The following ZNF160 variants were observed in gnomAD, a reference collection of about 807,000 sequenced individuals.
ZNF160 encodes KRAB zinc finger protein KR18.
ZNF160 carries 9 observed loss-of-function variants against 13.1 expected under a neutral mutation model. That is an observed-to-expected ratio of 0.69 (90% confidence interval 0.41 to 1.20). ZNF160 has a LOEUF of 1.20. Among genes scored for constraint, ZNF160 ranks in the 50% most tolerant of loss-of-function variants. The pLI, the probability that ZNF160 is intolerant of heterozygous loss-of-function variation, is 0.01. For synonymous variants in ZNF160, 293 were observed against 333.2 expected (o/e 0.88, Z 1.31); for missense variants, 838 against 988.0 (o/e 0.85, Z 2.04).
At position 53,100,621 on chromosome 19, in the gene ZNF160, T is replaced by G. The variant is rs142658429; in HGVS notation, c.-354+2644A>C. 1.7e-4 allele frequency among the ~76,000 whole-genome samples: 25 copies of G among 151,016 alleles called. No individual in the cohort carries two copies. The South Asian group carries it at 5.0e-3, about 30-fold the overall frequency. On this transcript the variant is annotated intron_variant, in intron 1 of 5. Transcript: ENST00000683776. ...CGAGACTCCGTCTCCAAAAAAAAAT[T>G]AGTTAATAGGTTCTTATGTTAACGT...
At chr19:53,073,135 G>T in intron 5 of ZNF160, 6 of 1,316,518 alleles carry the variant, frequency 4.6e-6, no homozygotes, top group Non-Finnish European at 5.9e-6. Context: ...ATTCCCTCCA[G>T]TCCCCAACCT....
intron 4 of ZNF160, among the ~76,000 whole-genome samples, chr19:53,074,666 C>T (rs2145568343): frequency 1.2e-5 from 1 of 84,176 alleles, no homozygotes; most frequent in Admixed American, 1.4e-4. Context: ...CGAGACTCCG[C>T]CTCAAAAAAA....
At chr19:53,086,801 G>A (rs148075976) in intron 2 of ZNF160, among the ~76,000 whole-genome samples, 241 of 152,306 alleles carry the variant, frequency 1.6e-3, no homozygotes, top group African/African-American at 5.7e-3. Context: ...ACGTCAAGGG[G>A]GCACAAGAGA....
At chr19:53,097,904 G>T (rs1261592963) in intron 1 of ZNF160, among the ~76,000 whole-genome samples, 3 of 152,168 alleles carry the variant, frequency 2.0e-5, no homozygotes, top group Admixed American at 2.0e-4. Flanking sequence ...CACACCCTCA[G>T]GCCAAGGCGC....
At chr19:53,088,819 G>A (rs188218374) in intron 2 of ZNF160, among the ~76,000 whole-genome samples, 343 of 152,246 alleles carry the variant, frequency 2.3e-3, no homozygotes, top group Non-Finnish European at 3.6e-3. Context: ...CAGGTAGGGA[G>A]TCCTGCTGTT....
chr19:53,072,808 A>G (rs981980594), intron 5 of ZNF160: 4 of 348,344 alleles, frequency 1.1e-5, no homozygotes, highest in Middle Eastern at 1.4e-3. Flanking sequence ...CCGAGATCGC[A>G]CCATTGCACT....
chr19:53,088,778 C>A (rs868346519), intron 2 of ZNF160, among the ~76,000 whole-genome samples: 3 of 152,078 alleles, frequency 2.0e-5, no homozygotes, highest in Admixed American at 2.0e-4. Flanking sequence ...GTGTCATTGT[C>A]CCCACAATGA....
At chr19:53,100,597 G>A (rs972180392) in intron 1 of ZNF160, among the ~76,000 whole-genome samples, 9 of 151,484 alleles carry the variant, frequency 5.9e-5, no homozygotes, top group East Asian at 2.0e-4. Flanking sequence ...GCGACAGAGC[G>A]AGACTCCGTC....
intron 3 of ZNF160, chr19:53,075,630 T>C (rs1383885537): frequency 1.6e-5 from 7 of 437,020 alleles, no homozygotes; most frequent in Non-Finnish European, 2.7e-5. Flanking sequence ...AAAGACAGAA[T>C]ACATGAGAGA....
At chr19:53,084,372 C>T (rs2084751328) in intron 3 of ZNF160, among the ~76,000 whole-genome samples, 1 of 152,188 alleles carries the variant, frequency 6.6e-6, no homozygotes, top group South Asian at 2.1e-4. Flanking sequence ...TGTACTTCTT[C>T]CCCTAAGCTA....
At chr19:53,098,773 G>A (rs2146042368) in intron 1 of ZNF160, among the ~76,000 whole-genome samples, 1 of 151,460 alleles carries the variant, frequency 6.6e-6, no homozygotes, top group South Asian at 2.1e-4. Context: ...TGCCCAGGAT[G>A]GCCACCGGGC....
At chr19:53,077,504 T>C (rs2084438894) in intron 3 of ZNF160, 1 of 151,606 alleles carries the variant, frequency 6.6e-6, no homozygotes, top group Admixed American at 6.6e-5. Context: ...ATCCCGTTTC[T>C]ACAAAAAATA....
In ZNF160 at chr19:53,074,281, A is replaced by C. The variant is rs750439593; in HGVS notation, c.143-13T>G. On this transcript the variant is annotated splice_polypyrimidine_tract_variant and intron_variant, in intron 4 of 5. Coordinates refer to ENST00000683776, the MANE Select transcript of ZNF160 (RefSeq NM_001322131.2). ...AAATGACACAGTCCTGTTTATAAAA[A>C]GAAAGGATCACAATGTGCCGGGGCT... The C allele has an allele frequency of 3.7e-6, 6 of 1,613,444 alleles. No homozygotes were observed. In the Admixed American group the frequency reaches 1.0e-4, roughly 27 times the overall value.
chr19:53,069,927 C>T lies in ZNF160; in HGVS notation c.607G>A (p.Glu203Lys). 1.2e-6 allele frequency: 2 copies of T among 1,614,126 alleles called. No individual in the cohort carries two copies. Among genetic ancestry groups the T allele is most frequent in the Non-Finnish European group, 8.5e-7 (1 of 1,180,038 alleles). ...GTAGACTTCTCAACTTGATTACATT[C>T]ATACATTTTCCCCTCACCTTGAAAT... ...QLFQGEGKMY[E>K]CNQVEKSTNN... The change falls in exon 6 of 6, where the codon GAA becomes AAA. Residue 203 changes from glutamate (E) to lysine (K), a missense_variant. By Grantham distance (56) the Glu-to-Lys change is moderately conservative. Transcript: ENST00000683776. This position sits in a 1 kb window ranked among gnomAD's most constrained non-coding sequence, Gnocchi z 4.4.
chr19:53,076,378 T>C (rs329708), intron 3 of ZNF160, among the ~76,000 whole-genome samples: 123,519 of 152,234 alleles, frequency 0.81, 50,511 homozygotes, highest in African/African-American at 0.9. Flanking sequence ...TGGCGGCTCA[T>C]GCCTGTAATC....
chr19:53,081,529 C>A (rs929992706), intron 3 of ZNF160, among the ~76,000 whole-genome samples: 2 of 152,036 alleles, frequency 1.3e-5, no homozygotes, highest in African/African-American at 4.8e-5. Flanking sequence ...ACACCCCGAT[C>A]ATCAGAGAAT....
At chr19:53,086,738 A>G (rs2084849936) in intron 2 of ZNF160, among the ~76,000 whole-genome samples, 1 of 152,154 alleles carries the variant, frequency 6.6e-6, no homozygotes, top group African/African-American at 2.4e-5. Context: ...GCTACAGAAT[A>G]GAGTCAACTT....
At position 53,068,535 on chromosome 19, in the gene ZNF160, G is replaced by A; in HGVS notation, c.1999C>T (p.His667Tyr). ...AFSMHSNLTT[H>Y]KVIHTGEKPY... ...TTCTCTCCAGTATGGATGACCTTAT[G>A]GGTAGTTAGGTTTGAATGCATACTA... is the stretch of plus-strand genomic sequence containing the variant. The change falls in exon 6 of 6, where the codon CAT (histidine) becomes TAT (tyrosine). Residue 667 changes from histidine to tyrosine, a missense_variant. Physicochemically the swap from His to Tyr is moderately conservative, Grantham distance 83. Coordinates refer to ENST00000683776, the MANE Select transcript of ZNF160 (RefSeq NM_001322131.2). The A allele has an allele frequency of 6.2e-7, 1 of 1,614,054 alleles. No homozygotes were observed. The highest frequency in any genetic ancestry group is 8.5e-7 in the Non-Finnish European group (1 of 1,180,018).
In ZNF160 at chr19:53,096,372, C is replaced by T. The variant is rs2085235202; in HGVS notation, c.-353-4652G>A. On this transcript the variant is annotated intron_variant, in intron 1 of 5. Transcript: ENST00000683776. ...GAGCTGAGCAGGACTAACTGAGGGG[C>T]AGAGCCAAGGGCCCTTCATGGAGAC... Among the ~76,000 whole-genome samples the T allele has an allele frequency of 3.9e-5, 6 of 152,078 alleles. 1 individual carries two copies. The highest frequency in any genetic ancestry group is 3.9e-4 in the Admixed American group (6 of 15,266).
Sources: allele counts gnomAD v4.1 joint callset (sites outside exome capture counted in the v4.1 genomes callset), GRCh38; gene constraint gnomAD v4.1.1; non-coding constraint Gnocchi (gnomAD v3.1); transcripts MANE v1.5; gene names NCBI Gene and HGNC (gene_info 2026-07-23, HGNC 2026-07-21).